Variants in GRIK4 observed in about 807,000 individuals in gnomAD.
GRIK4 encodes glutamate ionotropic receptor kainate type subunit 4.
In GRIK4, 40 loss-of-function variants were observed where a neutral mutation model predicts 104.9. The ratio of observed to expected loss-of-function variants is 0.38; its 90% CI spans 0.30 to 0.50. GRIK4 has a LOEUF of 0.50. Among genes scored for constraint, GRIK4 ranks in the 20% least tolerant of loss-of-function variants. The pLI, the probability that GRIK4 is intolerant of heterozygous loss-of-function variation, is 0.93. For synonymous variants in GRIK4, 485 were observed against 524.9 expected (o/e 0.92, Z 1.04); for missense variants, 1,047 against 1,308.1 (o/e 0.80, Z 3.08).
rs544128407 is a variant in GRIK4 at position 120,762,814 on chromosome 11, T to G, written c.83-39879T>G. Among the ~76,000 whole-genome samples the G allele has an allele frequency of 4.6e-5, 7 of 152,334 alleles. 1 individual carries two copies. The South Asian group carries it at 8.3e-4, about 18-fold the overall frequency. The stretch of plus-strand genomic sequence containing the variant: ...AACTTGATCATGGTGGATAAGCTTC[T>G]TGATGTGCTGCTGGATTTGGTTCGT... On this transcript the variant is annotated intron_variant, in intron 3 of 20. Transcript: ENST00000527524.
chr11:120,785,883 G>C (rs1487532219), intron 3 of GRIK4, among the ~76,000 whole-genome samples: 1 of 152,148 alleles, frequency 6.6e-6, no homozygotes, highest in Admixed American at 6.5e-5. Context: ...GGCACACACA[G>C]AGCCCCCACT....
chr11:120,912,454 C>T (rs1027893084), intron 13 of GRIK4, among the ~76,000 whole-genome samples: 3 of 152,186 alleles, frequency 2.0e-5, no homozygotes, highest in South Asian at 4.2e-4. Flanking sequence ...GACGGGAGCC[C>T]GTGAAGGCTG....
intron 8 of GRIK4, among the ~76,000 whole-genome samples, chr11:120,851,728 A>ATCTGAGAGCCTGGTGGCC (rs1953979215): frequency 1.3e-5 from 2 of 151,660 alleles, no homozygotes; most frequent in Non-Finnish European, 2.9e-5. Context: ...GTGGGAACCT[A>ATCTGAGAGCCTGGTGGCC]TCTGAGAGCC....
At chr11:120,945,344 CTTTG>C (rs1008277466) in intron 14 of GRIK4, among the ~76,000 whole-genome samples, 1 of 152,174 alleles carries the variant, frequency 6.6e-6, no homozygotes. Flanking sequence ...TTACATTATT[CTTTG>C]TTTATCTATC....
At chr11:120,941,304 G>T (rs1329993507) in intron 14 of GRIK4, among the ~76,000 whole-genome samples, 1 of 152,164 alleles carries the variant, frequency 6.6e-6, no homozygotes, top group Non-Finnish European at 1.5e-5. Flanking sequence ...CTCCAGAACA[G>T]AGCCTGTACC....
chr11:120,723,833 T>A (rs1950976697), intron 3 of GRIK4, among the ~76,000 whole-genome samples: 1 of 152,092 alleles, frequency 6.6e-6, no homozygotes, highest in South Asian at 2.1e-4. Flanking sequence ...ATAATTTACA[T>A]ATAGTGAAAT....
chr11:120,901,987 G>T (rs1455205963), intron 12 of GRIK4, among the ~76,000 whole-genome samples: 1 of 152,198 alleles, frequency 6.6e-6, no homozygotes. Context: ...TTGCGCGTGT[G>T]TGCCTACAGT....
chr11:120,590,089 T>C (rs2135110767), intron 1 of GRIK4, among the ~76,000 whole-genome samples: 1 of 152,364 alleles, frequency 6.6e-6, no homozygotes, highest in Admixed American at 6.5e-5. Flanking sequence ...TGTGTTTCAA[T>C]GCGTTTTTCA....
At chr11:120,927,520 C>CA (rs1266223119) in intron 13 of GRIK4, among the ~76,000 whole-genome samples, 1 of 133,952 alleles carries the variant, frequency 7.5e-6, no homozygotes, top group Non-Finnish European at 1.5e-5. Flanking sequence ...TGAACCACAT[C>CA]ACATCACTGC....
At position 120,862,103 on chromosome 11, in the gene GRIK4, C is replaced by G; in HGVS notation, c.889C>G (p.Pro297Ala). Residue 297 changes from proline to alanine, a missense_variant, in exon 9 of 21, where the codon CCC becomes GCC. Coordinates refer to ENST00000527524, the MANE Select transcript of GRIK4 (RefSeq NM_014619.5). ...QSWQENCDHV[P>A]FTGPALSSAL... is the part of the protein sequence containing the mutation. ...CTGGCAGGAGAACTGTGACCATGTG[C>G]CCTTCACTGGGCCTGCGGTAAGTAC... 6 of 1,613,986 alleles carry G rather than the reference C, an allele frequency of 3.7e-6. No homozygotes were observed. The highest frequency in any genetic ancestry group is 5.1e-6 in the Non-Finnish European group (6 of 1,179,936).
intron 1 of GRIK4, among the ~76,000 whole-genome samples, chr11:120,518,390 C>T (rs1287005763): frequency 2.0e-5 from 3 of 152,248 alleles, no homozygotes; most frequent in East Asian, 1.9e-4. Context: ...TAAGACTCTA[C>T]GGAATAGTGT....
chr11:120,763,472 T>A (rs907522580), intron 3 of GRIK4, among the ~76,000 whole-genome samples: 1 of 152,188 alleles, frequency 6.6e-6, no homozygotes, highest in African/African-American at 2.4e-5. Flanking sequence ...AGTTATTTCT[T>A]GTCTTCTGCT....
rs150351132 is a variant in GRIK4, at chr11:120,964,824, A to C, written c.2266+2143A>C. 1.1e-3 allele frequency among the ~76,000 whole-genome samples: 166 copies of C among 152,334 alleles called. 1 individual carries two copies. Among genetic ancestry groups the C allele is most frequent in the African/African-American group, 3.8e-3 (159 of 41,584 alleles). On this transcript the variant is annotated intron_variant, in intron 18 of 20. Transcript: ENST00000527524. ...CCTATAGAGGACAGAACTCAGATTC[A>C]GAGCAGATAGATTACTTGTCCAAGG... is the stretch of plus-strand genomic sequence containing the variant.
intron 3 of GRIK4, among the ~76,000 whole-genome samples, chr11:120,723,649 T>C (rs1404353234): frequency 3.9e-5 from 6 of 152,186 alleles, no homozygotes; most frequent in East Asian, 1.9e-4. Context: ...TGAAGTCCCA[T>C]GTAAAGTTTC....
chr11:120,816,626 T>C (rs952035433), intron 5 of GRIK4, among the ~76,000 whole-genome samples: 1 of 152,116 alleles, frequency 6.6e-6, no homozygotes, highest in Admixed American at 6.5e-5. Context: ...GCTGGGAGTC[T>C]ACCCCTCTGA....
chr11:120,730,120 T>C (rs189565004), intron 3 of GRIK4, among the ~76,000 whole-genome samples: 3 of 152,226 alleles, frequency 2.0e-5, no homozygotes, highest in Admixed American at 1.3e-4. Context: ...TTCTGGAGGC[T>C]GAGGTGGGTG....
rs1555150753 is a variant in GRIK4, at chr11:120,644,011, C to CTCTGTGTGTG, written c.-158-9673_-158-9672insCTGTGTGTGT. 1.1e-4 allele frequency among the ~76,000 whole-genome samples: 13 copies of CTCTGTGTGTG among 122,928 alleles called. No homozygotes were observed. The East Asian group carries it at 2.2e-3, about 21-fold the overall frequency. The allele number at this position is 122,928 out of a possible 152,430, so 80.6% of individuals were successfully genotyped here. On this transcript the variant is annotated intron_variant, in intron 1 of 20. Transcript: ENST00000527524. The stretch of plus-strand genomic sequence containing the variant: ...ATGACAAGTTTCCAGGGGAGAGGGT[C>CTCTGTGTGTG]TGTGTGTGTGTGTGTGTGTGTGTGT...
At chr11:120,926,578 C>T (rs921689366) in intron 13 of GRIK4, among the ~76,000 whole-genome samples, 1 of 152,184 alleles carries the variant, frequency 6.6e-6, no homozygotes, top group African/African-American at 2.4e-5. Context: ...GCTGAGCTGG[C>T]CCTAGAGGGT....
At chr11:120,626,287 T>C (rs887508378) in intron 1 of GRIK4, among the ~76,000 whole-genome samples, 4 of 152,198 alleles carry the variant, frequency 2.6e-5, no homozygotes, top group African/African-American at 9.7e-5. Flanking sequence ...GACCCAAGTC[T>C]CTGCCACCAA....
Sources: gnomAD v4.1 joint callset for allele counts (sites outside exome capture counted in the v4.1 genomes callset) on GRCh38, gnomAD v4.1.1 for gene constraint, MANE v1.5 for transcripts, NCBI Gene and HGNC (gene_info 2026-07-23, HGNC 2026-07-21) for gene names.